The following ACSL3 variants were observed in gnomAD, a reference collection of about 807,000 sequenced individuals.
ACSL3 encodes the protein fatty acid CoA ligase Acsl3.
ACSL3 carries 34 observed loss-of-function variants against 84.7 expected under a neutral mutation model. The observed-to-expected ratio is 0.40, with a 90% CI of 0.31 to 0.53. The LOEUF is 0.53. ACSL3 is among the 20% of genes least tolerant of loss of function. The pLI, the probability that ACSL3 is intolerant of heterozygous loss-of-function variation, is 0.48. For synonymous variants in ACSL3, 315 were observed against 299.4 expected (o/e 1.05, Z -0.54); for missense variants, 680 against 873.1 (o/e 0.78, Z 2.79).
chr2:222,878,973 C>T (rs371234094), intron 1 of ACSL3, among the ~76,000 whole-genome samples: 1 of 152,232 alleles, frequency 6.6e-6, no homozygotes, highest in Non-Finnish European at 1.5e-5. Flanking sequence ...GAATCCCTTT[C>T]GGTTTATTTT....
intron 11 of ACSL3, among the ~76,000 whole-genome samples, chr2:222,925,788 A>C (rs1696862521): frequency 6.6e-6 from 1 of 152,180 alleles, no homozygotes; most frequent in Non-Finnish European, 1.5e-5. Flanking sequence ...TTCAGTATGA[A>C]TATAATTAAA....
intron 3 of ACSL3, among the ~76,000 whole-genome samples, chr2:222,901,593 T>C (rs1052773294): frequency 1.3e-5 from 2 of 152,218 alleles, no homozygotes; most frequent in Non-Finnish European, 2.9e-5. Flanking sequence ...AAAAGCCAGC[T>C]TTTATACAGC....
intron 2 of ACSL3, among the ~76,000 whole-genome samples, chr2:222,892,965 C>G (rs1393099607): frequency 6.6e-6 from 1 of 152,230 alleles, no homozygotes; most frequent in Middle Eastern, 3.4e-3. Flanking sequence ...TCCTTGATAT[C>G]CAGCATTGTG....
intron 3 of ACSL3, 61 bp from the exon 4 acceptor site, chr2:222,908,672 C>A: frequency 8.2e-7 from 1 of 1,217,118 alleles, no homozygotes; most frequent in Non-Finnish European, 1.1e-6. Context: ...GCCGATGTAA[C>A]TTTTCTTTAA....
chr2:222,912,691 T>C (rs1696477905), intron 4 of ACSL3, among the ~76,000 whole-genome samples: 1 of 152,130 alleles, frequency 6.6e-6, no homozygotes. Context: ...TTTGAGGTCC[T>C]GAGGGGAGGA....
intron 16 of ACSL3, among the ~76,000 whole-genome samples, chr2:222,939,751 G>T (rs1559306742): frequency 6.6e-6 from 1 of 152,114 alleles, no homozygotes; most frequent in Non-Finnish European, 1.5e-5. Context: ...TTCTTAAGTG[G>T]TTTCTGGGTT....
chr2:222,901,921 G>C (rs1696161404), intron 3 of ACSL3, among the ~76,000 whole-genome samples: 1 of 118,800 alleles, frequency 8.4e-6, no homozygotes, highest in African/African-American at 3.3e-5. Context: ...TCCAGCCTGG[G>C]TGACAGAGTG....
chr2:222,928,822 C>A, intron 12 of ACSL3, 40 bp from the exon 13 acceptor site: 1 of 1,500,008 alleles, frequency 6.7e-7, no homozygotes, highest in Non-Finnish European at 9.3e-7. Flanking sequence ...AGTGTATTAG[C>A]TACTGTTCTC....
chr2:222,936,765 G>C (rs1326275260), intron 16 of ACSL3, among the ~76,000 whole-genome samples: 5 of 152,074 alleles, frequency 3.3e-5, no homozygotes, highest in Admixed American at 3.3e-4. Context: ...CATGGCTCGG[G>C]GAGGCCTCAG....
intron 4 of ACSL3, among the ~76,000 whole-genome samples, chr2:222,911,471 A>G (rs1696438796): frequency 6.6e-6 from 1 of 152,200 alleles, no homozygotes; most frequent in Non-Finnish European, 1.5e-5. Flanking sequence ...ATCTGCTTAT[A>G]GATTCATTTT....
intron 8 of ACSL3, 52 bp downstream of exon 8, chr2:222,921,482 A>T (rs1348269763): frequency 6.8e-7 from 1 of 1,479,960 alleles, no homozygotes; most frequent in African/African-American, 1.4e-5. Context: ...GTCTGTTATA[A>T]TGTTAGCATT....
intron 16 of ACSL3, among the ~76,000 whole-genome samples, chr2:222,936,012 C>T (rs534594244): frequency 5.9e-5 from 9 of 152,170 alleles, no homozygotes; most frequent in South Asian, 2.1e-4. Flanking sequence ...TGGAATCATA[C>T]GGTATTTATT....
intron 2 of ACSL3, among the ~76,000 whole-genome samples, chr2:222,890,312 T>C (rs915545520): frequency 2.6e-5 from 4 of 152,240 alleles, no homozygotes; most frequent in African/African-American, 9.6e-5. Flanking sequence ...CTGAATGATA[T>C]ATAAATCGTT....
At chr2:222,914,818 G>A (rs1696533405) in intron 4 of ACSL3, among the ~76,000 whole-genome samples, 1 of 152,166 alleles carries the variant, frequency 6.6e-6, no homozygotes, top group South Asian at 2.1e-4. Flanking sequence ...AGTGGGTAGT[G>A]TCCTCTAAAT....
chr2:222,870,922 C>T (rs954569631), intron 1 of ACSL3, among the ~76,000 whole-genome samples: 9 of 151,854 alleles, frequency 5.9e-5, no homozygotes, highest in Non-Finnish European at 7.4e-5. Flanking sequence ...ATGTGAAATA[C>T]GGGTTATAAG....
At chr2:222,874,067 G>C (rs1695378632) in intron 1 of ACSL3, among the ~76,000 whole-genome samples, 1 of 151,956 alleles carries the variant, frequency 6.6e-6, no homozygotes, top group Admixed American at 6.6e-5. Context: ...TGTCACCCAG[G>C]CTGGAGTGCA....
At chr2:222,902,234 G>C (rs1696171704) in intron 3 of ACSL3, among the ~76,000 whole-genome samples, 1 of 152,052 alleles carries the variant, frequency 6.6e-6, no homozygotes, top group Non-Finnish European at 1.5e-5. Context: ...TATTATTCTA[G>C]TGCTATTAGC....
At chr2:222,866,437 C>T (rs565283956) in intron 1 of ACSL3, among the ~76,000 whole-genome samples, 9 of 152,256 alleles carry the variant, frequency 5.9e-5, no homozygotes, top group East Asian at 5.8e-4. Flanking sequence ...GGAGCTACTG[C>T]GCTGACTGCA....
intron 1 of ACSL3, among the ~76,000 whole-genome samples, chr2:222,872,451 G>C (rs1256182486): frequency 6.6e-6 from 1 of 152,142 alleles, no homozygotes; most frequent in African/African-American, 2.4e-5. Flanking sequence ...GAAAGTAAAA[G>C]TATCTTAGGA....
Sources: gnomAD v4.1 joint callset for allele counts (sites outside exome capture counted in the v4.1 genomes callset) on GRCh38, gnomAD v4.1.1 for gene constraint, MANE v1.5 for transcripts, NCBI Gene and HGNC (gene_info 2026-07-23, HGNC 2026-07-21) for gene names.